LAMC2: variants seen among roughly 807,000 people sequenced by gnomAD.
LAMC2 encodes the protein laminin subunit gamma-2.
LAMC2 carries 97 observed loss-of-function variants against 140.2 expected under a neutral mutation model. The observed-to-expected ratio is 0.69, with a 90% CI of 0.59 to 0.82. The LOEUF (loss-of-function observed/expected upper bound fraction) is 0.82, where lower values mean the gene tolerates loss of function less well. Ranked by LOEUF, LAMC2 falls within the 40% of genes least tolerant of loss-of-function variation. The pLI, the probability that LAMC2 is intolerant of heterozygous loss-of-function variation, is 0.00. For missense variants in LAMC2, 1,402 were observed against 1,476.1 expected (o/e 0.95, Z 0.82); for synonymous variants, 513 against 540.2 (o/e 0.95, Z 0.70).
At chr1:183,227,466 G>A (rs1224441492) in intron 9 of LAMC2, 49 bp from the exon 10 acceptor site, 2 of 1,513,622 alleles carry the variant, frequency 1.3e-6, no homozygotes, top group Non-Finnish European at 1.8e-6. Context: ...GAAATGTATT[G>A]TCTGACCCTG....
Position 183,232,264 on chromosome 1 carries a change from T to A in LAMC2, c.1935T>A (p.Pro645=). The change falls in exon 13 of 23, where the codon CCT becomes CCA. Residue 645 remains proline (P), a synonymous_variant. Transcript: ENST00000264144. ...SKAQGGDGVV[P]DTELEGRMQQ... is the part of the protein sequence containing the mutation. Reference sequence around the variant, plus strand: ...CTCAGGGTGGTGATGGAGTAGTACCTGATACAGAGCTGGAAGGCAGGATGC... The same window carrying A: ...CTCAGGGTGGTGATGGAGTAGTACCAGATACAGAGCTGGAAGGCAGGATGC... 6.2e-7 allele frequency: 1 copy of A among 1,614,080 alleles called. No individual in the cohort carries two copies. Among genetic ancestry groups the A allele is most frequent in the East Asian group, 2.2e-5 (1 of 44,878 alleles).
intron 1 of LAMC2, among the ~76,000 whole-genome samples, chr1:183,207,648 A>C (rs1300448861): frequency 6.6e-6 from 1 of 152,168 alleles, no homozygotes; most frequent in African/African-American, 2.4e-5. Context: ...ATGTTCTCCC[A>C]GACAGCAGCC....
Position 183,193,686 on chromosome 1 carries a change from T to C in LAMC2, c.79+7255T>C, listed in dbSNP as rs113802820. 1.1e-3 allele frequency among the ~76,000 whole-genome samples: 166 copies of C among 152,232 alleles called. 2 individuals carry two copies. Among genetic ancestry groups the C allele is most frequent in the African/African-American group, 3.8e-3 (158 of 41,540 alleles). On this transcript the variant is annotated intron_variant, in intron 1 of 22. Transcript: ENST00000264144. ...TGCTGCTCTTGCCCTATCCAGGCAG[T>C]TGTACCATGGTAGGAGGGGATCTTC...
Position 183,228,608 on chromosome 1 carries a change from A to G in LAMC2, c.1703A>G (p.Asp568Gly). 1 of 1,614,034 alleles carries G rather than the reference A, an allele frequency of 6.2e-7. No homozygotes were observed. The highest frequency in any genetic ancestry group is 1.1e-5 in the South Asian group (1 of 91,066). ...FGDPLAPNPA[D>G]KCRACNCNPM... ...GACCCATTGGCTCCCAACCCAGCAGACAAGTGTCGAGGTAGGACTCCACCC... is the reference window on the plus strand; with the variant it reads ...GACCCATTGGCTCCCAACCCAGCAGGCAAGTGTCGAGGTAGGACTCCACCC... Residue 568 changes from aspartate to glycine, a missense_variant, in exon 11 of 23, where the codon GAC becomes GGC. Asp to Gly is a moderately conservative substitution (Grantham distance 94). This residue lies in a region of LAMC2 where 723 missense variants were observed against 783.3 expected (regional missense o/e 0.92). Coordinates refer to ENST00000264144, the MANE Select transcript of LAMC2 (RefSeq NM_005562.3). The surrounding 1 kb of genome is among the most constrained non-coding windows in gnomAD (Gnocchi z 4.3).
At chr1:183,247,846 C>T (rs61634781), downstream of LAMC2, among the ~76,000 whole-genome samples, 5,822 of 152,232 alleles carry the variant, frequency 0.038, 344 homozygotes, top group African/African-American at 0.13. Context: ...TTAACAAGTT[C>T]TGTTTTAGTT....
chr1:183,223,397 T>G, intron 7 of LAMC2, 73 bp downstream of exon 7: 1 of 1,391,190 alleles, frequency 7.2e-7, no homozygotes. Flanking sequence ...CTTTATTCAT[T>G]CAATCATCAT....
At chr1:183,193,761 A>G (rs1254590667) in intron 1 of LAMC2, among the ~76,000 whole-genome samples, 1 of 150,806 alleles carries the variant, frequency 6.6e-6, no homozygotes, top group Non-Finnish European at 1.5e-5. Flanking sequence ...TGGACCTGGC[A>G]TAGGAAGTAG....
intron 1 of LAMC2, among the ~76,000 whole-genome samples, chr1:183,191,042 G>A (rs1376113719): frequency 6.6e-6 from 1 of 152,160 alleles, no homozygotes; most frequent in Non-Finnish European, 1.5e-5. Context: ...GAATTGTTTA[G>A]ACAGCTGGGC....
Position 183,243,476 on chromosome 1 carries a change from G to T in LAMC2, c.*76G>T. 6.4e-7 allele frequency: 1 copy of T among 1,564,158 alleles called. No homozygotes were observed. The highest frequency in any genetic ancestry group is 1.1e-5 in the South Asian group (1 of 89,710). On this transcript the variant is annotated 3_prime_UTR_variant, in exon 23 of 23. Transcript: ENST00000264144. ...GCTCGGGAGCCATGTCATGTGAGTG[G>T]GTGGGATGGGGACATTTGAACATGT...
At chr1:183,195,962 A>G (rs974574612) in intron 1 of LAMC2, among the ~76,000 whole-genome samples, 10 of 152,184 alleles carry the variant, frequency 6.6e-5, no homozygotes, top group Non-Finnish European at 1.3e-4. Flanking sequence ...TATAATAAAA[A>G]CATTCATCTT....
chr1:183,210,006 G>GTGCCATA (rs542389728), intron 2 of LAMC2, among the ~76,000 whole-genome samples: 176 of 152,316 alleles, frequency 1.2e-3, no homozygotes, highest in South Asian at 6.9e-3. Flanking sequence ...CATGTGCCAT[G>GTGCCATA]TGCCAACCCT....
chr1:183,257,591 A>G, the LAMC2 span, among the ~76,000 whole-genome samples: 5,962 of 152,256 alleles, frequency 0.039, 146 homozygotes, highest in South Asian at 0.12. Flanking sequence ...TCCTGATTCA[A>G]TCTTGCCAGA....
chr1:183,251,717 G>A, the LAMC2 span: 1 of 152,976 alleles, frequency 6.5e-6, no homozygotes, highest in Non-Finnish European at 1.5e-5. Flanking sequence ...CTGGCTCTGT[G>A]TGATCATAAG....
downstream of LAMC2, among the ~76,000 whole-genome samples, chr1:183,245,986 G>A (rs1303661791): frequency 6.6e-6 from 1 of 152,120 alleles, no homozygotes; most frequent in African/African-American, 2.4e-5. Flanking sequence ...TTACTAACAT[G>A]GTGAAACCCC....
At chr1:183,190,222 C>T (rs1024853013) in intron 1 of LAMC2, among the ~76,000 whole-genome samples, 3 of 152,158 alleles carry the variant, frequency 2.0e-5, no homozygotes, top group African/African-American at 4.8e-5. Flanking sequence ...TTGCACATTG[C>T]CTGGTAAGCA....
In LAMC2 at chr1:183,243,969, G is replaced by A. The variant is rs898882845; in HGVS notation, c.*569G>A. ...CATGTTCTCCATTTTCAAGCTGGAA[G>A]AAGTGAGCAGTGTTGGAGTGAGGAC... On this transcript the variant is annotated 3_prime_UTR_variant, in exon 23 of 23. Transcript: ENST00000264144. 1.2e-5 allele frequency: 2 copies of A among 173,560 alleles called. No individual in the cohort carries two copies. The highest frequency in any genetic ancestry group is 4.8e-5 in the African/African-American group (2 of 41,840). The allele number at this position is 173,560 out of a possible 1,614,324, so 10.8% of individuals were successfully genotyped here. A position where few individuals can be genotyped will look rare whatever the true frequency, so the allele number is the denominator to read the frequency against.
downstream of LAMC2, among the ~76,000 whole-genome samples, chr1:183,246,646 C>T (rs1041473153): frequency 3.9e-5 from 6 of 152,192 alleles, no homozygotes; most frequent in African/African-American, 1.4e-4. Context: ...TCAGTACTCT[C>T]CAGTACTTCT....
chr1:183,219,482 A>G (rs1659399963), intron 4 of LAMC2, among the ~76,000 whole-genome samples: 1 of 152,166 alleles, frequency 6.6e-6, no homozygotes, highest in Non-Finnish European at 1.5e-5. Context: ...CCTCCTCCCT[A>G]GAAGTGACCA....
At chr1:183,226,659 G>A in intron 8 of LAMC2, 39 bp from the exon 9 acceptor site, 1 of 1,533,176 alleles carries the variant, frequency 6.5e-7, no homozygotes. Context: ...TCTTTAGACT[G>A]TACCACTTGC....
Sources: allele counts gnomAD v4.1 joint callset (sites outside exome capture counted in the v4.1 genomes callset), GRCh38; gene constraint gnomAD v4.1.1; regional missense constraint gnomAD v4.1.1; non-coding constraint Gnocchi (gnomAD v3.1); transcripts MANE v1.5; gene names NCBI Gene and HGNC (gene_info 2026-07-23, HGNC 2026-07-21).